ATG12: variants seen among roughly 807,000 people sequenced by gnomAD.
The protein encoded by ATG12 is autophagy related 12, also known as ubiquitin-like protein ATG12.
Under a neutral mutation model 17.6 loss-of-function variants are expected in ATG12, and 19 were observed. That is an observed-to-expected ratio of 1.08 (90% CI 0.75 to 1.58). ATG12 has a LOEUF of 1.58. ATG12 is among the 40% of genes most tolerant of loss of function. The probability of loss-of-function intolerance (pLI) is 0.00; values close to 1 mark genes in which losing one functional copy is unlikely to be tolerated. For missense variants in ATG12, 214 were observed against 162.0 expected (o/e 1.32, Z -1.74); for synonymous variants, 75 against 62.4 (o/e 1.20, Z -0.95).
intron 2 of ATG12, chr5:115,834,998 C>G (rs1265826283): frequency 6.6e-6 from 1 of 152,146 alleles, no homozygotes; most frequent in African/African-American, 2.4e-5. Context: ...GGTTGACTCA[C>G]TTTTTAAATT....
chr5:115,840,227 G>A (rs1761309224), intron 1 of ATG12, among the ~76,000 whole-genome samples: 2 of 152,128 alleles, frequency 1.3e-5, no homozygotes, highest in Admixed American at 1.3e-4. Flanking sequence ...AGTGGGAAGG[G>A]GGGCAGTCTT....
Position 115,830,060 on chromosome 5 carries a change from T to G in ATG12, c.*1744A>C, listed in dbSNP as rs1004146185. The G allele has an allele frequency of 7.1e-6, 1 of 140,582 alleles. No homozygotes were observed. The highest frequency in any genetic ancestry group is 1.5e-5 in the Non-Finnish European group (1 of 66,712). 8.7% of individuals were successfully genotyped at this position (140,582 alleles called of 1,614,324 possible). ...TGAACCCGGGAGGTAGAGGTTGCAATGAGCCAAGATTGTGCCATTACAGTC... is the reference window on the plus strand; with the variant it reads ...TGAACCCGGGAGGTAGAGGTTGCAAGGAGCCAAGATTGTGCCATTACAGTC... On this transcript the variant is annotated 3_prime_UTR_variant, in exon 4 of 4. Coordinates refer to ENST00000509910, the MANE Select transcript of ATG12 (RefSeq NM_004707.4).
intron 3 of ATG12, among the ~76,000 whole-genome samples, chr5:115,832,119 G>A (rs971759787): frequency 2.6e-5 from 4 of 152,036 alleles, no homozygotes; most frequent in African/African-American, 9.7e-5. Flanking sequence ...TTCTCTACAT[G>A]TCCAACCACA....
chr5:115,830,350 A>T lies in ATG12; in HGVS notation c.*1454T>A, dbSNP rs1433924896. 6.6e-6 allele frequency: 1 copy of T among 152,146 alleles called. No individual in the cohort carries two copies. The highest frequency in any genetic ancestry group is 2.4e-5 in the African/African-American group (1 of 41,444). The allele number at this position is 152,146 out of a possible 1,614,324, so 9.4% of individuals were successfully genotyped here. On this transcript the variant is annotated 3_prime_UTR_variant, in exon 4 of 4. Coordinates refer to ENST00000509910, the MANE Select transcript of ATG12 (RefSeq NM_004707.4). ...TCAGTGGCAAACAATACGAAAATTC[A>T]ACATATTTTTATTTGTTAAATATAT...
In ATG12 at chr5:115,832,627, T is replaced by TTTCTTTTTTTTTTTTTTTTTA; in HGVS notation, c.337_338insTAAAAAAAAAAAAAAAAAGAA (p.Asp113delinsValLysLysLysLysLysArgAsn). 7.1e-7 allele frequency: 1 copy of TTTCTTTTTTTTTTTTTTTTTA among 1,409,922 alleles called. No homozygotes were observed. The highest frequency in any genetic ancestry group is 9.3e-7 in the Non-Finnish European group (1 of 1,069,646). The allele number at this position is 1,409,922 out of a possible 1,614,324, so 87.3% of individuals were successfully genotyped here. The stretch of plus-strand genomic sequence containing the variant: ...CTCATAGAGAGTTCCAACTTCTTGG[T>TTTCTTTTTTTTTTTTTTTTTA]CTGGGGAAGGAGCAAAGGACTGATT... On this transcript the variant is annotated protein_altering_variant, in exon 3 of 4. Coordinates refer to ENST00000509910, the MANE Select transcript of ATG12 (RefSeq NM_004707.4).
chr5:115,829,904 CAGG>C lies in ATG12; in HGVS notation c.*1897_*1899del, dbSNP rs1331136150. Reference sequence around the variant, plus strand: ...GGCGGGTGGATCACCTGAGGTCAGTCAGGAGTTTGAGACCAGCCTGGCCAAAAT... The same window carrying C: ...GGCGGGTGGATCACCTGAGGTCAGTCAGTTTGAGACCAGCCTGGCCAAAAT... On this transcript the variant is annotated 3_prime_UTR_variant, in exon 4 of 4. Coordinates refer to ENST00000509910, the MANE Select transcript of ATG12 (RefSeq NM_004707.4). 6.6e-6 allele frequency: 1 copy of C among 152,054 alleles called. No individual in the cohort carries two copies. Among genetic ancestry groups the C allele is most frequent in the Non-Finnish European group, 1.5e-5 (1 of 68,018 alleles). The allele number at this position is 152,054 out of a possible 1,614,324, so 9.4% of individuals were successfully genotyped here. A position where few individuals can be genotyped will look rare whatever the true frequency, so the allele number is the denominator to read the frequency against.
intron 1 of ATG12, chr5:115,840,642 G>A: frequency 4.0e-6 from 5 of 1,250,254 alleles, no homozygotes; most frequent in South Asian, 1.3e-5. Context: ...AACGTCTAAG[G>A]ACGAAATCAG....
intron 2 of ATG12, 102 bp downstream of exon 2, chr5:115,837,526 C>A: frequency 3.3e-6 from 4 of 1,219,570 alleles, no homozygotes; most frequent in Non-Finnish European, 4.7e-6. Context: ...ACAAAAGCGA[C>A]ATATGTGGCT....
rs1291233302 is a variant in ATG12, at chr5:115,832,567, CTTTCTTTTTTTTTTT to C, written c.363+20_363+34del. ...GATTAAGAAAAAAAAGCAGTAATTTCTTTCTTTTTTTTTTTTTTTTTTTTTTTTTTTTACCTCATA... is the reference window on the plus strand; with the variant it reads ...GATTAAGAAAAAAAAGCAGTAATTTCTTTTTTTTTTTTTTTTTACCTCATA... On this transcript the variant is annotated intron_variant, in intron 3 of 3. Transcript: ENST00000509910. 180 of 1,066,306 alleles carry C rather than the reference CTTTCTTTTTTTTTTT, an allele frequency of 1.7e-4. 1 individual carries two copies. Among genetic ancestry groups the C allele is most frequent in the South Asian group, 9.7e-4 (41 of 42,168 alleles). The allele number at this position is 1,066,306 out of a possible 1,614,324, so 66.1% of individuals were successfully genotyped here. A position where few individuals can be genotyped will look rare whatever the true frequency, so the allele number is the denominator to read the frequency against.
At chr5:115,837,511 G>T in intron 2 of ATG12, 117 bp downstream of exon 2, 2 of 1,047,132 alleles carry the variant, frequency 1.9e-6, no homozygotes, top group Non-Finnish European at 2.8e-6. Context: ...GGATAAAAGG[G>T]CATAACAAAA....
intron 1 of ATG12, chr5:115,838,328 C>G (rs934849435): frequency 4.6e-5 from 7 of 152,200 alleles, no homozygotes; most frequent in African/African-American, 1.7e-4. Flanking sequence ...ACTGGTAAAC[C>G]TAAATACCCA....
At chr5:115,833,685 A>AT (rs1760979183) in intron 2 of ATG12, 1 of 152,316 alleles carries the variant, frequency 6.6e-6, no homozygotes, top group Admixed American at 6.5e-5. Flanking sequence ...AATTATCTTT[A>AT]AATAGTTCAT....
At position 115,830,489 on chromosome 5, in the gene ATG12, C is replaced by A. The variant is rs1397615662; in HGVS notation, c.*1315G>T. 6.6e-6 allele frequency: 1 copy of A among 151,954 alleles called. No individual in the cohort carries two copies. Among genetic ancestry groups the A allele is most frequent in the Non-Finnish European group, 1.5e-5 (1 of 68,000 alleles). 9.4% of individuals were successfully genotyped at this position (151,954 alleles called of 1,614,324 possible). A position where few individuals can be genotyped will look rare whatever the true frequency, so the allele number is the denominator to read the frequency against. ...TATTACTTTGAATTCTACTACATAC[C>A]ATCTTAGATCCTGTTTTGAAATTCC... On this transcript the variant is annotated 3_prime_UTR_variant, in exon 4 of 4. Transcript: ENST00000509910.
In ATG12 at chr5:115,829,215, G is replaced by T. The variant is rs1003498242; in HGVS notation, c.*2589C>A. The T allele has an allele frequency of 8.5e-5, 13 of 152,130 alleles. No individual in the cohort carries two copies. The highest frequency in any genetic ancestry group is 3.1e-4 in the African/African-American group (13 of 41,428). The allele number at this position is 152,130 out of a possible 1,614,324, so 9.4% of individuals were successfully genotyped here. A position where few individuals can be genotyped will look rare whatever the true frequency, so the allele number is the denominator to read the frequency against. On this transcript the variant is annotated 3_prime_UTR_variant, in exon 4 of 4. Coordinates refer to ENST00000509910, the MANE Select transcript of ATG12 (RefSeq NM_004707.4). ...GTTTACTCAGCATATTATAATCCTT[G>T]GAAAATGAAGCAGAAACTGCATGAA... is the stretch of plus-strand genomic sequence containing the variant.
intron 2 of ATG12, among the ~76,000 whole-genome samples, chr5:115,834,545 T>G (rs1035917111): frequency 1.3e-5 from 2 of 152,162 alleles, no homozygotes; most frequent in Admixed American, 1.3e-4. Context: ...TAAATCAGCT[T>G]TTTTTTCTTT....
chr5:115,834,589 C>T (rs1260419214), intron 2 of ATG12, among the ~76,000 whole-genome samples: 1 of 151,998 alleles, frequency 6.6e-6, no homozygotes, highest in African/African-American at 2.4e-5. Context: ...AAATTGATGT[C>T]TCTAGTTATT....
At chr5:115,837,013 C>CAA (rs1157689417) in intron 2 of ATG12, among the ~76,000 whole-genome samples, 2 of 152,072 alleles carry the variant, frequency 1.3e-5, no homozygotes, top group African/African-American at 2.4e-5. Flanking sequence ...TAACTGCTAT[C>CAA]AAAACAAACT....
At position 115,829,610 on chromosome 5, in the gene ATG12, G is replaced by C. The variant is rs1760781254; in HGVS notation, c.*2194C>G. On this transcript the variant is annotated 3_prime_UTR_variant, in exon 4 of 4. Transcript: ENST00000509910. ...TTAATGACATCTATTTAGTCACAAA[G>C]AAAATTTAAAATATCACCTGAATGT... 6.6e-6 allele frequency: 1 copy of C among 152,100 alleles called. No individual in the cohort carries two copies. Among genetic ancestry groups the C allele is most frequent in the African/African-American group, 2.4e-5 (1 of 41,432 alleles). 9.4% of individuals were successfully genotyped at this position (152,100 alleles called of 1,614,324 possible).
Position 115,832,598 on chromosome 5 carries a change from T to TA in ATG12, c.363+3_363+4insT. The TA allele has an allele frequency of 8.2e-7, 1 of 1,220,294 alleles. No homozygotes were observed. Among genetic ancestry groups the TA allele is most frequent in the Non-Finnish European group, 1.1e-6 (1 of 898,492 alleles). 75.6% of individuals were successfully genotyped at this position (1,220,294 alleles called of 1,614,324 possible). On this transcript the variant is annotated splice_donor_region_variant and intron_variant, in intron 3 of 3. Coordinates refer to ENST00000509910, the MANE Select transcript of ATG12 (RefSeq NM_004707.4). ...TTTTTTTTTTTTTTTTTTTTTTTTTTTACCTCATAGAGAGTTCCAACTTCT... is the reference window on the plus strand; with the variant it reads ...TTTTTTTTTTTTTTTTTTTTTTTTTTATACCTCATAGAGAGTTCCAACTTCT...
Sources: allele counts gnomAD v4.1 joint callset (sites outside exome capture counted in the v4.1 genomes callset), GRCh38; gene constraint gnomAD v4.1.1; transcripts MANE v1.5; gene names NCBI Gene and HGNC (gene_info 2026-07-23, HGNC 2026-07-21).